Variants in SSX2IP observed in about 807,000 individuals in gnomAD.
SSX2IP encodes the protein SSX family member 2 interacting protein.
Under a neutral mutation model 84.9 loss-of-function variants are expected in SSX2IP, and 55 were observed. That is an observed-to-expected ratio of 0.65 (90% CI 0.52 to 0.81). The LOEUF is 0.81. Among genes scored for constraint, SSX2IP ranks in the 30% least tolerant of loss-of-function variants. The pLI, the probability that SSX2IP is intolerant of heterozygous loss-of-function variation, is 0.00. For synonymous variants in SSX2IP, 239 were observed against 234.7 expected (o/e 1.02, Z -0.17); for missense variants, 664 against 705.2 (o/e 0.94, Z 0.66).
chr1:84,655,615 C>T (rs1485208375), intron 11 of SSX2IP: 57 of 1,489,870 alleles, frequency 3.8e-5, no homozygotes, highest in South Asian at 4.9e-5. Context: ...ATGCTTATAG[C>T]GTTTTTTTTT....
chr1:84,679,595 A>G (rs1654807244), intron 1 of SSX2IP, among the ~76,000 whole-genome samples: 1 of 152,192 alleles, frequency 6.6e-6, no homozygotes, highest in Non-Finnish European at 1.5e-5. Flanking sequence ...ATCTTGACGA[A>G]GACACTTATT....
rs1361043899 is a variant in SSX2IP, at chr1:84,646,962, CTTTA to C, written c.*467_*470del. On this transcript the variant is annotated 3_prime_UTR_variant, in exon 14 of 14. Transcript: ENST00000342203. The stretch of plus-strand genomic sequence containing the variant: ...ATGTACAAAACATACATAAATTTCA[CTTTA>C]TTTAAAACATATGAAAGAGGTAATT... 2 of 152,534 alleles carry C rather than the reference CTTTA, an allele frequency of 1.3e-5. No individual in the cohort carries two copies. The highest frequency in any genetic ancestry group is 6.5e-5 in the Admixed American group (1 of 15,274). 9.4% of individuals were successfully genotyped at this position (152,534 alleles called of 1,614,324 possible).
At chr1:84,659,600 C>A (rs1651625136) in intron 8 of SSX2IP, among the ~76,000 whole-genome samples, 1 of 151,736 alleles carries the variant, frequency 6.6e-6, no homozygotes, top group African/African-American at 2.4e-5. Context: ...GAGATCGAAA[C>A]CATCCTGTCC....
At position 84,651,872 on chromosome 1, in the gene SSX2IP, A is replaced by G. The variant is rs777364101; in HGVS notation, c.1504+11T>C. 3.9e-6 allele frequency: 6 copies of G among 1,539,644 alleles called. No individual in the cohort carries two copies. Among genetic ancestry groups the G allele is most frequent in the Non-Finnish European group, 5.4e-6 (6 of 1,115,128 alleles). On this transcript the variant is annotated intron_variant, in intron 12 of 13. Transcript: ENST00000342203. ...TGCATGTTCAAATTAAAGAGTTTAT[A>G]AAGTACTCACTTCCTGAGAAGGCAC...
chr1:84,652,862 A>G (rs563831057), intron 11 of SSX2IP, among the ~76,000 whole-genome samples: 1 of 151,568 alleles, frequency 6.6e-6, no homozygotes, highest in African/African-American at 2.4e-5. Context: ...CGTCTCTACT[A>G]AAAATACAAA....
chr1:84,650,600 AG>A (rs1241418176), intron 12 of SSX2IP, 73 bp from the exon 13 acceptor site: 1 of 1,462,352 alleles, frequency 6.8e-7, no homozygotes, highest in East Asian at 2.3e-5. Context: ...GTAAATCATC[AG>A]GATGATTCAT....
intron 6 of SSX2IP, 53 bp from the exon 7 acceptor site, chr1:84,662,583 A>G: frequency 1.3e-6 from 2 of 1,587,250 alleles, no homozygotes; most frequent in South Asian, 1.1e-5. Flanking sequence ...TTAAGCATCT[A>G]AAACTCTAAT....
At chr1:84,667,109 C>T (rs1351000860) in intron 4 of SSX2IP, among the ~76,000 whole-genome samples, 1 of 151,996 alleles carries the variant, frequency 6.6e-6, no homozygotes, top group Non-Finnish European at 1.5e-5. Flanking sequence ...GTTGGCATGA[C>T]ATAACTTACA....
intron 1 of SSX2IP, among the ~76,000 whole-genome samples, chr1:84,686,333 G>A (rs1380272409): frequency 6.6e-6 from 1 of 152,164 alleles, no homozygotes; most frequent in African/African-American, 2.4e-5. Flanking sequence ...GAACAGGTAA[G>A]AAATAATTCA....
chr1:84,658,485 A>G lies in SSX2IP; in HGVS notation c.928-17T>C. 1.2e-6 allele frequency: 2 copies of G among 1,610,780 alleles called. No homozygotes were observed. On this transcript the variant is annotated splice_polypyrimidine_tract_variant and intron_variant, in intron 8 of 13. Transcript: ENST00000342203. ...GGAAATAACCTACAAGCGGAGAGAGATGAAGAGGAAAGGCTAGTACCTTAC... is the reference window on the plus strand; with the variant it reads ...GGAAATAACCTACAAGCGGAGAGAGGTGAAGAGGAAAGGCTAGTACCTTAC...
chr1:84,655,974 G>C lies in SSX2IP; in HGVS notation c.1247C>G (p.Thr416Ser), dbSNP rs1396010834. The C allele has an allele frequency of 1.9e-6, 3 of 1,613,188 alleles. No individual in the cohort carries two copies. Among genetic ancestry groups the C allele is most frequent in the Non-Finnish European group, 2.5e-6 (3 of 1,179,848 alleles). ...ATAACAGTCTCGTAATAGTGAAGTG[G>C]TATCATCATCATATGCAGTAGCGAG... is the stretch of plus-strand genomic sequence containing the variant. ...QQLATAYDDD[T>S]TSLLRDCYLL... The change falls in exon 11 of 14, where the codon ACC becomes AGC. Residue 416 changes from threonine to serine, a missense_variant. Physicochemically the swap from Thr to Ser is moderately conservative, Grantham distance 58 (BLOSUM62 1). Coordinates refer to ENST00000342203, the MANE Select transcript of SSX2IP (RefSeq NM_001166293.2).
At position 84,655,811 on chromosome 1, in the gene SSX2IP, CACT is replaced by C. The variant is rs754367477; in HGVS notation, c.1389+18_1389+20del. The C allele has an allele frequency of 6.8e-6, 11 of 1,608,094 alleles. No homozygotes were observed. In the Admixed American group the frequency reaches 1.2e-4, roughly 17 times the overall value. On this transcript the variant is annotated intron_variant, in intron 11 of 13. Transcript: ENST00000342203. ...CACCCACCCCCAGTATTTTCAAAAG[CACT>C]ACAATTGTTTAAAATACCTCCAATC...
chr1:84,664,297 C>CA, intron 6 of SSX2IP, 120 bp downstream of exon 6: 1 of 1,058,398 alleles, frequency 9.4e-7, no homozygotes, highest in Non-Finnish European at 1.3e-6. Flanking sequence ...CACTGAAAAT[C>CA]AATTGTATAA....
At chr1:84,665,729 G>T (rs144881858) in intron 5 of SSX2IP, among the ~76,000 whole-genome samples, 1 of 152,230 alleles carries the variant, frequency 6.6e-6, no homozygotes, top group Non-Finnish European at 1.5e-5. Flanking sequence ...GACGAACAAT[G>T]TCAATATTTA....
At chr1:84,678,266 T>C (rs1299000896) in intron 1 of SSX2IP, among the ~76,000 whole-genome samples, 6 of 152,232 alleles carry the variant, frequency 3.9e-5, no homozygotes, top group African/African-American at 1.4e-4. Flanking sequence ...CAACAGTACC[T>C]GAAACATAGC....
chr1:84,649,874 T>G, intron 13 of SSX2IP: 2 of 510,800 alleles, frequency 3.9e-6, no homozygotes, highest in Non-Finnish European at 7.7e-6. Flanking sequence ...TGGAGAGCCA[T>G]GTTTTTTTAC....
In SSX2IP at chr1:84,645,176, G is replaced by C. The variant is rs1649323144; in HGVS notation, c.*2257C>G. 1 of 152,210 alleles carries C rather than the reference G, an allele frequency of 6.6e-6. No homozygotes were observed. Among genetic ancestry groups the C allele is most frequent in the Non-Finnish European group, 1.5e-5 (1 of 68,038 alleles). 9.4% of individuals were successfully genotyped at this position (152,210 alleles called of 1,614,324 possible). A position where few individuals can be genotyped will look rare whatever the true frequency, so the allele number is the denominator to read the frequency against. On this transcript the variant is annotated 3_prime_UTR_variant, in exon 14 of 14. Transcript: ENST00000342203. ...GGCTAAATGTGAGATTAGCACAGCTGTATTATTTGTACATTGCAAACACCT... is the reference window on the plus strand; with the variant it reads ...GGCTAAATGTGAGATTAGCACAGCTCTATTATTTGTACATTGCAAACACCT...
intron 13 of SSX2IP, 143 bp from the exon 14 acceptor site, chr1:84,647,750 T>C: frequency 3.9e-6 from 1 of 257,920 alleles, no homozygotes; most frequent in Non-Finnish European, 6.6e-6. Flanking sequence ...AAATTTTACT[T>C]GGAAAAAAAA....
chr1:84,668,949 T>C (rs1314853848), intron 4 of SSX2IP, among the ~76,000 whole-genome samples: 1 of 152,166 alleles, frequency 6.6e-6, no homozygotes, highest in South Asian at 2.1e-4. Flanking sequence ...AGGAAAAAAT[T>C]TGACTTGGAT....
Sources: gnomAD v4.1 joint callset for allele counts (sites outside exome capture counted in the v4.1 genomes callset) on GRCh38, gnomAD v4.1.1 for gene constraint, MANE v1.5 for transcripts, NCBI Gene and HGNC (gene_info 2026-07-23, HGNC 2026-07-21) for gene names.